Variants in CHD2 observed in about 807,000 individuals in gnomAD.
CHD2 encodes the protein ATP-dependent chromatin remodeler CHD2.
In CHD2, 28 loss-of-function variants were observed where a neutral mutation model predicts 243.9. The ratio of observed to expected loss-of-function variants is 0.11; its 90% CI spans 0.09 to 0.16. The LOEUF is 0.16. CHD2 is among the 10% of genes least tolerant of loss of function. The probability of loss-of-function intolerance (pLI) is 1.00; values close to 1 mark genes in which losing one functional copy is unlikely to be tolerated. For synonymous variants in CHD2, 775 were observed against 779.0 expected, an observed-to-expected ratio of 0.99 and a Z score of 0.09; for missense variants, 1,386 against 2,209.8, an observed-to-expected ratio of 0.63 and a Z score of 7.47.
chr15:92,983,334 C>T (rs927733458), intron 24 of CHD2, among the ~76,000 whole-genome samples: 1 of 152,166 alleles, frequency 6.6e-6, no homozygotes, highest in East Asian at 1.9e-4. Flanking sequence ...GGCCTTTAAC[C>T]ACGATGTCCC....
rs1596372128 is a variant in CHD2 at position 92,915,568 on chromosome 15, G to T, written c.63-8753G>T. ...TTACAGGCGTGAGCCACCACGCCCG[G>T]CCTAATAAAGTTTTAAAATAAAAAA... On this transcript the variant is annotated intron_variant, in intron 2 of 38. Coordinates refer to ENST00000394196, the MANE Select transcript of CHD2 (RefSeq NM_001271.4). 3.3e-5 allele frequency among the ~76,000 whole-genome samples: 5 copies of T among 152,274 alleles called. No individual in the cohort carries two copies. In the East Asian group the frequency reaches 9.6e-4, roughly 29 times the overall value.
At chr15:92,922,131 A>C (rs2052967075) in intron 2 of CHD2, among the ~76,000 whole-genome samples, 1 of 152,164 alleles carries the variant, frequency 6.6e-6, no homozygotes, top group African/African-American at 2.4e-5. Context: ...CTGAGTCTCT[A>C]ATCTTTTGGC....
chr15:92,944,098 GA>G (rs1410389091), intron 9 of CHD2: 2 of 170,464 alleles, frequency 1.2e-5, no homozygotes, highest in African/African-American at 4.7e-5. Flanking sequence ...CTGATTTGTT[GA>G]GATGTATGAA....
intron 20 of CHD2, among the ~76,000 whole-genome samples, chr15:92,975,528 G>A (rs1246772914): frequency 1.3e-5 from 2 of 152,174 alleles, no homozygotes; most frequent in Non-Finnish European, 2.9e-5. Context: ...AGATGCCATG[G>A]GATTTGAGAG....
At chr15:92,959,286 A>G (rs1352656764) in intron 16 of CHD2, among the ~76,000 whole-genome samples, 1 of 152,192 alleles carries the variant, frequency 6.6e-6, no homozygotes, top group Non-Finnish European at 1.5e-5. Context: ...TTTTTGTAGT[A>G]GAATTTGGGA....
chr15:92,974,200 T>C (rs1224128982), intron 19 of CHD2, among the ~76,000 whole-genome samples: 3 of 152,352 alleles, frequency 2.0e-5, no homozygotes, highest in Non-Finnish European at 4.4e-5. Context: ...CAATGGTTTC[T>C]CTATGGTGAC....
In CHD2 at chr15:92,992,918, G is replaced by T; in HGVS notation, c.3515G>T (p.Arg1172Leu). 6.2e-7 allele frequency: 1 copy of T among 1,614,104 alleles called. No individual in the cohort carries two copies. Among genetic ancestry groups the T allele is most frequent in the East Asian group, 2.2e-5 (1 of 44,886 alleles). The change falls in exon 28 of 39, where the codon CGC becomes CTC. Residue 1172 changes from arginine to leucine, a missense_variant. By Grantham distance (102) the Arg-to-Leu change is moderately radical (BLOSUM62 -2). Around this residue, in one of 19 missense-constraint regions of CHD2, gnomAD observed 13 missense variants for 57.6 expected, o/e 0.23. Coordinates refer to ENST00000394196, the MANE Select transcript of CHD2 (RefSeq NM_001271.4). ...GATAAGTCGGTGGCAGATCTGAAGC[G>T]CCTGGGTGAACTGATCCACAACAGC... ...LVDKSVADLK[R>L]LGELIHNSCV...
intron 26 of CHD2, among the ~76,000 whole-genome samples, chr15:92,989,280 C>T (rs1426661066): frequency 6.6e-6 from 1 of 152,160 alleles, no homozygotes; most frequent in Non-Finnish European, 1.5e-5. Context: ...GATCCACCCG[C>T]CTCGGCCTCC....
At chr15:92,911,203 G>A (rs1294813078) in intron 2 of CHD2, among the ~76,000 whole-genome samples, 2 of 152,182 alleles carry the variant, frequency 1.3e-5, no homozygotes, top group Admixed American at 1.3e-4. Flanking sequence ...AATGCTTTAG[G>A]AAGACTAAAT....
chr15:93,009,857 G>A (rs372331764), intron 35 of CHD2, among the ~76,000 whole-genome samples: 2 of 152,178 alleles, frequency 1.3e-5, no homozygotes, highest in East Asian at 3.8e-4. Context: ...GTTTATAAAT[G>A]TTCCTTTATA....
intron 38 of CHD2, 50 bp from the exon 39 acceptor site, chr15:93,024,322 A>G: frequency 2.0e-6 from 3 of 1,536,720 alleles, no homozygotes; most frequent in South Asian, 1.2e-5. Context: ...AGAGAAGTGG[A>G]TGGGAATCTG....
chr15:92,972,020 T>C, intron 18 of CHD2, 93 bp downstream of exon 18: 1 of 1,323,190 alleles, frequency 7.6e-7, no homozygotes, highest in Non-Finnish European at 1.0e-6. Flanking sequence ...GTTGGTGACC[T>C]ATCAAGGATC....
At chr15:93,012,477 AC>A (rs2054405224) in intron 36 of CHD2, 33 bp downstream of exon 36, 1 of 1,427,868 alleles carries the variant, frequency 7.0e-7, no homozygotes, top group African/African-American at 1.5e-5. Flanking sequence ...ATTCATACAA[AC>A]AAATACCAAT....
In CHD2 at chr15:92,901,157, CT is replaced by C; in HGVS notation, c.-71-6del. On this transcript the variant is annotated splice_polypyrimidine_tract_variant and intron_variant, in intron 1 of 38. Transcript: ENST00000394196. ...AGCCGGGACCTTACCTTTCTTTCAA[CT>C]TTTGACAGTAAATACCTGGGCACAG... 1 of 818,058 alleles carries C rather than the reference CT, an allele frequency of 1.2e-6. No homozygotes were observed. The highest frequency in any genetic ancestry group is 2.1e-6 in the Non-Finnish European group (1 of 479,096). 50.7% of individuals were successfully genotyped at this position (818,058 alleles called of 1,614,324 possible).
At chr15:93,015,560 G>C (rs1418864650) in intron 37 of CHD2, among the ~76,000 whole-genome samples, 1 of 149,918 alleles carries the variant, frequency 6.7e-6, no homozygotes, top group East Asian at 2.0e-4. Flanking sequence ...GCAATCAACA[G>C]AGTGAAGAGA....
At chr15:92,931,863 C>CT (rs34215273) in intron 5 of CHD2, among the ~76,000 whole-genome samples, 35,924 of 134,418 alleles carry the variant, frequency 0.27, 5,409 homozygotes, top group Middle Eastern at 0.34. Flanking sequence ...TGCTGACGTA[C>CT]TTTTTTTTTT....
At chr15:93,001,563 G>A (rs1242566892) in intron 32 of CHD2, among the ~76,000 whole-genome samples, 3 of 152,066 alleles carry the variant, frequency 2.0e-5, no homozygotes, top group African/African-American at 7.2e-5. Context: ...GTCACCCAGG[G>A]TAGAGTGCAG....
At chr15:92,955,655 C>G in intron 15 of CHD2, 143 bp downstream of exon 15, 1 of 471,854 alleles carries the variant, frequency 2.1e-6, no homozygotes, top group East Asian at 3.6e-5. Context: ...TCTGTACCTC[C>G]TACTTGCCAT....
chr15:92,938,204 G>C (rs1234343818), intron 6 of CHD2, among the ~76,000 whole-genome samples: 2 of 152,170 alleles, frequency 1.3e-5, no homozygotes, highest in Non-Finnish European at 2.9e-5. Flanking sequence ...TATGGCCTGT[G>C]AGCTAAGAAT....
Sources: gnomAD v4.1 joint callset for allele counts (sites outside exome capture counted in the v4.1 genomes callset) on GRCh38, gnomAD v4.1.1 for gene constraint, gnomAD v4.1.1 regional missense constraint, MANE v1.5 for transcripts, NCBI Gene and HGNC (gene_info 2026-07-23, HGNC 2026-07-21) for gene names.